Variants in CNTN4 observed in about 807,000 individuals in gnomAD.
The protein encoded by CNTN4 is contactin 4, also known as contactin-4.
CNTN4 carries 77 observed loss-of-function variants against 122.5 expected under a neutral mutation model. The observed-to-expected ratio is 0.63, with a 90% CI of 0.52 to 0.76. The LOEUF (loss-of-function observed/expected upper bound fraction) is 0.76, where lower values mean the gene tolerates loss of function less well. Ranked by LOEUF, CNTN4 falls within the 30% of genes least tolerant of loss-of-function variation. The probability of loss-of-function intolerance (pLI) is 0.00; values close to 1 mark genes in which losing one functional copy is unlikely to be tolerated. For missense variants in CNTN4, 1,256 were observed against 1,259.1 expected, an observed-to-expected ratio of 1.00 and a Z score of 0.04; for synonymous variants, 512 against 447.0, an observed-to-expected ratio of 1.15 and a Z score of -1.83.
intron 4 of CNTN4, among the ~76,000 whole-genome samples, chr3:2,682,855 A>C (rs1023145294): frequency 6.6e-6 from 1 of 152,048 alleles, no homozygotes; most frequent in Non-Finnish European, 1.5e-5. Flanking sequence ...TCCCAGTTTC[A>C]TTTCAGGACA....
At chr3:3,009,189 T>A (rs1277093579) in intron 14 of CNTN4, among the ~76,000 whole-genome samples, 1 of 152,126 alleles carries the variant, frequency 6.6e-6, no homozygotes, top group Admixed American at 6.5e-5. Flanking sequence ...TGGGCCATGG[T>A]TACTTTCCTC....
chr3:2,949,558 C>T (rs1454430945), intron 13 of CNTN4, among the ~76,000 whole-genome samples: 1 of 152,140 alleles, frequency 6.6e-6, no homozygotes, highest in Non-Finnish European at 1.5e-5. Flanking sequence ...ATCAGACCCT[C>T]TCCTTCTTTC....
intron 3 of CNTN4, among the ~76,000 whole-genome samples, chr3:2,348,245 G>T (rs2044479080): frequency 6.6e-6 from 1 of 152,154 alleles, no homozygotes; most frequent in South Asian, 2.1e-4. Context: ...CTTAACGCTT[G>T]GCCCAGCCGT....
At position 2,645,245 on chromosome 3, in the gene CNTN4, C is replaced by T. The variant is rs569460527; in HGVS notation, c.55+73687C>T. Among the ~76,000 whole-genome samples the T allele has an allele frequency of 5.9e-5, 9 of 152,162 alleles. No individual in the cohort carries two copies. The South Asian group carries it at 1.9e-3, about 32-fold the overall frequency. On this transcript the variant is annotated intron_variant, in intron 4 of 24. Transcript: ENST00000418658. ...AAAAAGCCAGTTAGTGACATTATTT[C>T]CTTATGTTCTAGAAACCTGATAATA... is the stretch of plus-strand genomic sequence containing the variant.
intron 2 of CNTN4, among the ~76,000 whole-genome samples, chr3:2,295,448 ATG>A (rs2042275703): frequency 7.3e-6 from 1 of 136,958 alleles, no homozygotes; most frequent in Non-Finnish European, 1.6e-5. Context: ...GCATTTTTTC[ATG>A]TGTTTTTTGG....
intron 3 of CNTN4, among the ~76,000 whole-genome samples, chr3:2,519,486 T>C (rs1214308828): frequency 6.6e-6 from 1 of 152,114 alleles, no homozygotes; most frequent in Non-Finnish European, 1.5e-5. Context: ...CCCATATGGG[T>C]TCCCTTCTCT....
chr3:2,694,661 A>G (rs1202932700), intron 4 of CNTN4, among the ~76,000 whole-genome samples: 1 of 152,168 alleles, frequency 6.6e-6, no homozygotes, highest in Non-Finnish European at 1.5e-5. Context: ...CTCAGGAGGC[A>G]GAGGTTGCAG....
At chr3:2,713,321 T>G (rs918962501) in intron 4 of CNTN4, among the ~76,000 whole-genome samples, 1 of 152,202 alleles carries the variant, frequency 6.6e-6, no homozygotes, top group Admixed American at 6.5e-5. Flanking sequence ...GTGTTGATGA[T>G]TGCTGTGGTG....
At chr3:2,670,472 T>A (rs1219264193) in intron 4 of CNTN4, among the ~76,000 whole-genome samples, 1 of 152,220 alleles carries the variant, frequency 6.6e-6, no homozygotes, top group Admixed American at 6.5e-5. Flanking sequence ...CCCTTTACTT[T>A]GAGCCTATGT....
chr3:2,960,660 G>C (rs1443541818), intron 13 of CNTN4, among the ~76,000 whole-genome samples: 1 of 152,164 alleles, frequency 6.6e-6, no homozygotes, highest in Non-Finnish European at 1.5e-5. Flanking sequence ...CGGTGTTGAA[G>C]AGAGACAACT....
chr3:2,166,654 A>G (rs113853020), intron 2 of CNTN4, among the ~76,000 whole-genome samples: 97 of 152,296 alleles, frequency 6.4e-4, no homozygotes, highest in African/African-American at 2.2e-3. Context: ...AGCTTATTTC[A>G]AGAGAATCTA....
At chr3:2,241,600 A>G (rs1007869771) in intron 2 of CNTN4, among the ~76,000 whole-genome samples, 14 of 152,146 alleles carry the variant, frequency 9.2e-5, no homozygotes, top group Non-Finnish European at 1.5e-4. Context: ...CTGCAGTCAG[A>G]ACTCTTTACT....
At chr3:2,485,584 T>C (rs2076133166) in intron 3 of CNTN4, among the ~76,000 whole-genome samples, 1 of 152,078 alleles carries the variant, frequency 6.6e-6, no homozygotes, top group African/African-American at 2.4e-5. Context: ...TCAAGGTTTG[T>C]AAATGCACCA....
At chr3:2,196,422 G>C (rs950060681) in intron 2 of CNTN4, among the ~76,000 whole-genome samples, 1 of 152,096 alleles carries the variant, frequency 6.6e-6, no homozygotes, top group African/African-American at 2.4e-5. Flanking sequence ...TCATTGGTTG[G>C]TTGGTTCAAT....
At chr3:2,671,195 G>C in intron 4 of CNTN4, among the ~76,000 whole-genome samples, 1 of 152,108 alleles carries the variant, frequency 6.6e-6, no homozygotes, top group Non-Finnish European at 1.5e-5. Context: ...TTTCCAACTT[G>C]GTTCCATTCT....
chr3:2,111,178 T>C (rs1007852508), intron 2 of CNTN4, among the ~76,000 whole-genome samples: 31 of 152,342 alleles, frequency 2.0e-4, no homozygotes, highest in African/African-American at 7.2e-4. Context: ...AAAACAATTA[T>C]GGATACTATT....
At chr3:2,318,268 C>CT (rs2043177777) in intron 2 of CNTN4, among the ~76,000 whole-genome samples, 1 of 149,738 alleles carries the variant, frequency 6.7e-6, no homozygotes, top group Non-Finnish European at 1.5e-5. Context: ...AATCATGTGA[C>CT]TAGACCCTTC....
At chr3:2,845,297 A>T (rs553739486) in intron 7 of CNTN4, among the ~76,000 whole-genome samples, 2 of 152,258 alleles carry the variant, frequency 1.3e-5, no homozygotes, top group South Asian at 4.1e-4. Flanking sequence ...TCAATGCATG[A>T]TGAACGTAGC....
chr3:2,123,217 A>G (rs1251353542), intron 2 of CNTN4, among the ~76,000 whole-genome samples: 2 of 152,216 alleles, frequency 1.3e-5, no homozygotes, highest in African/African-American at 4.8e-5. Context: ...ACAACCCTCC[A>G]AAATGGGAAT....
Sources: allele counts gnomAD v4.1 joint callset (sites outside exome capture counted in the v4.1 genomes callset), GRCh38; gene constraint gnomAD v4.1.1; transcripts MANE v1.5; gene names NCBI Gene and HGNC (gene_info 2026-07-23, HGNC 2026-07-21).